Variants in PRKG1 observed in about 807,000 individuals in gnomAD.
PRKG1 encodes the protein cGMP-dependent protein kinase 1.
Under a neutral mutation model 88.1 loss-of-function variants are expected in PRKG1, and 35 were observed. The observed-to-expected ratio is 0.40, with a 90% CI of 0.30 to 0.53. The LOEUF is 0.53. PRKG1 is among the 20% of genes least tolerant of loss of function. The probability of loss-of-function intolerance (pLI) is 0.59; values close to 1 mark genes in which losing one functional copy is unlikely to be tolerated. For synonymous variants in PRKG1, 303 were observed against 292.5 expected (o/e 1.04, Z -0.37); for missense variants, 540 against 839.8 (o/e 0.64, Z 4.41).
intron 1 of PRKG1, among the ~76,000 whole-genome samples, chr10:51,027,726 C>T (rs1843225782): frequency 6.6e-6 from 1 of 152,096 alleles, no homozygotes; most frequent in Non-Finnish European, 1.5e-5. Context: ...AATAGTACTG[C>T]AACTTTCAGA....
intron 3 of PRKG1, among the ~76,000 whole-genome samples, chr10:51,475,593 G>T (rs1255652623): frequency 6.6e-6 from 1 of 151,874 alleles, no homozygotes. Flanking sequence ...TTTTTGTTTT[G>T]TTGCTGTTGA....
chr10:51,512,555 TG>T (rs1235341163), intron 3 of PRKG1, among the ~76,000 whole-genome samples: 2 of 91,944 alleles, frequency 2.2e-5, no homozygotes, highest in Non-Finnish European at 4.3e-5. Flanking sequence ...TAGTATTCCA[TG>T]GTGTATATGT....
intron 3 of PRKG1, among the ~76,000 whole-genome samples, chr10:51,667,883 A>G (rs946703846): frequency 6.6e-6 from 1 of 152,170 alleles, no homozygotes; most frequent in Non-Finnish European, 1.5e-5. Context: ...AGATGAAAAC[A>G]TTACTGAGTT....
intron 4 of PRKG1, among the ~76,000 whole-genome samples, chr10:51,832,978 G>T (rs1361513404): frequency 1.3e-5 from 2 of 152,066 alleles, no homozygotes; most frequent in African/African-American, 4.8e-5. Context: ...GGTTAATGTC[G>T]ATTACAGGGA....
intron 2 of PRKG1, among the ~76,000 whole-genome samples, chr10:51,388,393 T>A (rs1365986411): frequency 6.6e-6 from 1 of 152,148 alleles, no homozygotes; most frequent in African/African-American, 2.4e-5. Context: ...CAGGACTCTT[T>A]TATTACACCA....
At chr10:52,157,769 C>T (rs1667917371) in intron 8 of PRKG1, among the ~76,000 whole-genome samples, 1 of 151,344 alleles carries the variant, frequency 6.6e-6, no homozygotes, top group South Asian at 2.1e-4. Flanking sequence ...CCACCTTTCA[C>T]TCTTTCCTTC....
intron 3 of PRKG1, among the ~76,000 whole-genome samples, chr10:51,715,703 A>G (rs1589227043): frequency 6.6e-6 from 1 of 152,180 alleles, no homozygotes; most frequent in Non-Finnish European, 1.5e-5. Context: ...CCATTTTTCT[A>G]TGATTGCACC....
In PRKG1 at chr10:51,653,597, C is replaced by T. The variant is rs570934439; in HGVS notation, c.593-150988C>T. ...TTCTTTTTTTTCCTTTGTAGAGTCT[C>T]GCCCTGTTGCCCAGGCTGGAGTGCA... is the stretch of plus-strand genomic sequence containing the variant. On this transcript the variant is annotated intron_variant, in intron 3 of 17. Transcript: ENST00000373980. Among the ~76,000 whole-genome samples, 5 of 152,064 alleles carry T rather than the reference C, an allele frequency of 3.3e-5. No homozygotes were observed. In the South Asian group the frequency reaches 6.2e-4, roughly 19 times the overall value.
At chr10:51,931,493 G>A (rs1460980391) in intron 5 of PRKG1, among the ~76,000 whole-genome samples, 1 of 152,132 alleles carries the variant, frequency 6.6e-6, no homozygotes, top group Non-Finnish European at 1.5e-5. Context: ...CTAAAGATGG[G>A]AAGGACCCTG....
chr10:51,024,349 C>A (rs1843173782), intron 1 of PRKG1, among the ~76,000 whole-genome samples: 1 of 151,888 alleles, frequency 6.6e-6, no homozygotes, highest in Non-Finnish European at 1.5e-5. Flanking sequence ...ATTTTTCTTT[C>A]TTCTCCCTGG....
chr10:52,037,268 T>C (rs569582065), intron 5 of PRKG1, among the ~76,000 whole-genome samples: 7 of 152,332 alleles, frequency 4.6e-5, no homozygotes, highest in Admixed American at 3.9e-4. Context: ...GCCTGGCCGC[T>C]GCGGTTCAGG....
intron 8 of PRKG1, among the ~76,000 whole-genome samples, chr10:52,160,283 TA>T (rs1348395119): frequency 1.3e-5 from 2 of 151,968 alleles, no homozygotes; most frequent in Non-Finnish European, 2.9e-5. Context: ...TATTTGAACA[TA>T]TTTTTCAACT....
Position 52,296,464 on chromosome 10 carries a change from A to C in PRKG1, c.*2564A>C, listed in dbSNP as rs1842385868. 6.6e-6 allele frequency: 1 copy of C among 152,196 alleles called. No individual in the cohort carries two copies. The highest frequency in any genetic ancestry group is 1.5e-5 in the Non-Finnish European group (1 of 67,934). The allele number at this position is 152,196 out of a possible 1,614,324, so 9.4% of individuals were successfully genotyped here. On this transcript the variant is annotated 3_prime_UTR_variant, in exon 18 of 18. Transcript: ENST00000373980. The stretch of plus-strand genomic sequence containing the variant: ...AGAAAACATTCGTCTAATTTTGTCA[A>C]CATTGAATTTTTAGGATTTAAATCT...
At chr10:51,211,336 A>G (rs1278235901) in intron 2 of PRKG1, among the ~76,000 whole-genome samples, 2 of 152,224 alleles carry the variant, frequency 1.3e-5, no homozygotes, top group Non-Finnish European at 2.9e-5. Flanking sequence ...AGAGCTATCT[A>G]TGACAAACCT....
At chr10:52,103,582 A>C (rs1383359275) in intron 7 of PRKG1, among the ~76,000 whole-genome samples, 1 of 152,170 alleles carries the variant, frequency 6.6e-6, no homozygotes, top group Non-Finnish European at 1.5e-5. Context: ...AATATATACA[A>C]GAAGTATTAA....
intron 1 of PRKG1, among the ~76,000 whole-genome samples, chr10:51,126,690 G>A (rs910468359): frequency 9.9e-5 from 15 of 151,904 alleles, no homozygotes; most frequent in African/African-American, 3.4e-4. Flanking sequence ...CAAAACTGGA[G>A]GCATCAGGCT....
In PRKG1 at chr10:51,570,354, A is replaced by T. The variant is rs146677816; in HGVS notation, c.592+102518A>T. Among the ~76,000 whole-genome samples the T allele has an allele frequency of 2.2e-3, 335 of 152,024 alleles. 3 individuals carry two copies. Among genetic ancestry groups the T allele is most frequent in the African/African-American group, 6.8e-3 (281 of 41,498 alleles). Reference sequence around the variant, plus strand: ...GTATTATATACTGTATTCTTACAATAAATTAAGCTAGAGAAAAAAATTGTT... The same window carrying T: ...GTATTATATACTGTATTCTTACAATTAATTAAGCTAGAGAAAAAAATTGTT... On this transcript the variant is annotated intron_variant, in intron 3 of 17. Transcript: ENST00000373980.
intron 5 of PRKG1, among the ~76,000 whole-genome samples, chr10:51,934,012 T>A (rs181961536): frequency 2.0e-5 from 3 of 152,292 alleles, no homozygotes; most frequent in Non-Finnish European, 4.4e-5. Flanking sequence ...AGATTATTTA[T>A]GTGTATAAAT....
chr10:51,459,428 T>A (rs1839682128), intron 2 of PRKG1, among the ~76,000 whole-genome samples: 1 of 152,142 alleles, frequency 6.6e-6, no homozygotes, highest in African/African-American at 2.4e-5. Flanking sequence ...CTCTGCTCTT[T>A]TTCCCTTCTA....
Sources: allele counts gnomAD v4.1 joint callset (sites outside exome capture counted in the v4.1 genomes callset), GRCh38; gene constraint gnomAD v4.1.1; transcripts MANE v1.5; gene names NCBI Gene and HGNC (gene_info 2026-07-23, HGNC 2026-07-21).